The following PCDHA3 variants were observed in gnomAD, a reference collection of about 807,000 sequenced individuals.
The protein encoded by PCDHA3 is protocadherin alpha-3.
Under a neutral mutation model 62.2 loss-of-function variants are expected in PCDHA3, and 41 were observed. The ratio of observed to expected loss-of-function variants is 0.66; its 90% CI spans 0.51 to 0.86. PCDHA3 has a LOEUF of 0.86. PCDHA3 is among the 40% of genes least tolerant of loss of function. The probability of loss-of-function intolerance (pLI) is 0.00; values close to 1 mark genes in which losing one functional copy is unlikely to be tolerated. For synonymous variants in PCDHA3, 640 were observed against 555.4 expected (o/e 1.15, Z -2.14); for missense variants, 1,304 against 1,241.2 (o/e 1.05, Z -0.76).
At chr5:140,914,439 T>A (rs1352001626) in intron 1 of PCDHA3, among the ~76,000 whole-genome samples, 2 of 152,310 alleles carry the variant, frequency 1.3e-5, no homozygotes, top group South Asian at 2.1e-4. Context: ...TCTTTTCCCA[T>A]GTCTTTATTT....
intron 1 of PCDHA3, among the ~76,000 whole-genome samples, chr5:140,963,550 A>G (rs1484541648): frequency 6.6e-6 from 1 of 152,202 alleles, no homozygotes; most frequent in Non-Finnish European, 1.5e-5. Context: ...TGATATAAAA[A>G]GGGGCTGTTT....
intron 1 of PCDHA3, chr5:140,823,399 C>G: frequency 6.2e-7 from 1 of 1,612,960 alleles, no homozygotes; most frequent in Non-Finnish European, 8.5e-7. Flanking sequence ...CGCGGGCGTG[C>G]CGCCTCTGGG....
At chr5:140,814,663 CAT>C (rs1409985275) in intron 1 of PCDHA3, 3 of 151,344 alleles carry the variant, frequency 2.0e-5, no homozygotes, top group African/African-American at 7.4e-5. Context: ...TCACCACAAA[CAT>C]GTGAGTAATG....
At chr5:140,855,743 G>A (rs2043601940) in intron 1 of PCDHA3, 1 of 316,702 alleles carries the variant, frequency 3.2e-6, no homozygotes, top group African/African-American at 2.1e-5. Flanking sequence ...GAGACGTAAT[G>A]TGAGGCTTTG....
At chr5:140,872,114 AG>A (rs1261193633) in intron 1 of PCDHA3, among the ~76,000 whole-genome samples, 1 of 151,936 alleles carries the variant, frequency 6.6e-6, no homozygotes, top group African/African-American at 2.4e-5. Context: ...TCCTAACTTC[AG>A]GCTTGTATCA....
At chr5:140,829,402 C>T in intron 1 of PCDHA3, 1 of 1,614,150 alleles carries the variant, frequency 6.2e-7, no homozygotes, top group Non-Finnish European at 8.5e-7. Flanking sequence ...CGCTGTGGGC[C>T]ACCGCCAGCT....
chr5:140,968,295 A>G lies in PCDHA3; in HGVS notation c.2395-10654A>G, dbSNP rs782722853. 4 of 1,613,916 alleles carry G rather than the reference A, an allele frequency of 2.5e-6. No homozygotes were observed. The Admixed American group carries it at 5.0e-5, about 20-fold the overall frequency. ...GCAGAGGTGACCTACTCCCTTCTGG[A>G]GAGGGAGATTCAAGGGCTGCCAGTC... On this transcript the variant is annotated intron_variant, in intron 1 of 3. Coordinates refer to ENST00000522353, the MANE Select transcript of PCDHA3 (RefSeq NM_018906.3).
intron 3 of PCDHA3, among the ~76,000 whole-genome samples, chr5:141,007,362 G>A (rs1554261189): frequency 6.8e-6 from 1 of 146,590 alleles, no homozygotes; most frequent in Non-Finnish European, 1.5e-5. Context: ...ACCAGCCTGG[G>A]CAACATGATG....
At chr5:140,874,845 A>G (rs1201887753) in intron 1 of PCDHA3, among the ~76,000 whole-genome samples, 1 of 152,236 alleles carries the variant, frequency 6.6e-6, no homozygotes, top group Non-Finnish European at 1.5e-5. Flanking sequence ...GGTATTAGAC[A>G]TATTTTAGTT....
chr5:140,898,547 A>C (rs1337213913), intron 1 of PCDHA3, among the ~76,000 whole-genome samples: 3 of 152,078 alleles, frequency 2.0e-5, no homozygotes, highest in Non-Finnish European at 4.4e-5. Flanking sequence ...CCATTTATCT[A>C]TGTCTCTGTT....
At chr5:140,819,016 G>A (rs2150052012) in intron 1 of PCDHA3, among the ~76,000 whole-genome samples, 1 of 152,254 alleles carries the variant, frequency 6.6e-6, no homozygotes, top group African/African-American at 2.4e-5. Context: ...ATATAATATG[G>A]ATATTTTAGC....
At chr5:140,985,072 A>C (rs2097134751) in intron 3 of PCDHA3, among the ~76,000 whole-genome samples, 1 of 151,864 alleles carries the variant, frequency 6.6e-6, no homozygotes, top group Admixed American at 6.6e-5. Flanking sequence ...TGAGTAGCTG[A>C]GACTACAGGC....
At chr5:140,896,470 C>T (rs1583233416) in intron 1 of PCDHA3, among the ~76,000 whole-genome samples, 2 of 151,962 alleles carry the variant, frequency 1.3e-5, no homozygotes, top group South Asian at 4.2e-4. Context: ...TCAAGCGGTT[C>T]TCCTGCCTCA....
At chr5:140,937,736 C>T (rs778178538) in intron 1 of PCDHA3, among the ~76,000 whole-genome samples, 84 of 151,896 alleles carry the variant, frequency 5.5e-4, no homozygotes, top group Non-Finnish European at 1.1e-3. Context: ...CACGGTGAAA[C>T]CCCGTCTCTA....
intron 1 of PCDHA3, chr5:140,829,789 G>A (rs1298804039): frequency 6.2e-7 from 1 of 1,613,836 alleles, no homozygotes; most frequent in African/African-American, 1.3e-5. Flanking sequence ...CGGCGCTGCT[G>A]GCGCCTCGGG....
chr5:140,957,473 G>A (rs1307847703), intron 1 of PCDHA3, among the ~76,000 whole-genome samples: 1 of 151,954 alleles, frequency 6.6e-6, no homozygotes, highest in Non-Finnish European at 1.5e-5. Context: ...GTATGTATAG[G>A]AAAAAACATA....
At chr5:140,875,580 C>T (rs1381718234) in intron 1 of PCDHA3, 2 of 1,614,076 alleles carry the variant, frequency 1.2e-6, no homozygotes, top group East Asian at 2.2e-5. Flanking sequence ...ACTCCGTCTA[C>T]GAGGAGGCCA....
rs146921578 is a variant in PCDHA3, at chr5:140,802,763, G to A, written c.1566G>A (p.Pro522=). Reference sequence around the variant, plus strand: ...GCGGCAAGGTGTACGCGCTGCAGCCGCTGGACCACGAGGAGCTAGAGCTGC... The same window carrying A: ...GCGGCAAGGTGTACGCGCTGCAGCCACTGGACCACGAGGAGCTAGAGCTGC... ...AESGKVYALQ[P]LDHEELELLQ... is the part of the protein sequence containing the mutation. Residue 522 remains proline (P), a synonymous_variant, in exon 1 of 4, where the codon CCG becomes CCA. Coordinates refer to ENST00000522353, the MANE Select transcript of PCDHA3 (RefSeq NM_018906.3). The A allele has an allele frequency of 1.2e-6, 2 of 1,612,888 alleles. No homozygotes were observed. The highest frequency in any genetic ancestry group is 2.2e-5 in the East Asian group (1 of 44,878).
intron 1 of PCDHA3, chr5:140,861,361 T>C: frequency 2.8e-6 from 1 of 352,562 alleles, no homozygotes; most frequent in Admixed American, 3.2e-5. Flanking sequence ...CATAGCGTCT[T>C]CGCGGTCCCT....
Sources: gnomAD v4.1 joint callset for allele counts (sites outside exome capture counted in the v4.1 genomes callset) on GRCh38, gnomAD v4.1.1 for gene constraint, MANE v1.5 for transcripts, NCBI Gene and HGNC (gene_info 2026-07-23, HGNC 2026-07-21) for gene names.